Variants in ACSM4 observed in about 807,000 individuals in gnomAD.
ACSM4 encodes acyl-coenzyme A synthetase ACSM4, mitochondrial.
ACSM4 carries 66 observed loss-of-function variants against 73.0 expected under a neutral mutation model. The ratio of observed to expected loss-of-function variants is 0.90; its 90% CI spans 0.74 to 1.11. ACSM4 has a LOEUF of 1.11. ACSM4 is among the 50% of genes least tolerant of loss of function. The pLI is 0.00. For synonymous variants in ACSM4, 222 were observed against 254.0 expected (o/e 0.87, Z 1.20); for missense variants, 645 against 714.4 (o/e 0.90, Z 1.11).
At chr12:7,320,551 C>G (rs1946453384) in intron 5 of ACSM4, among the ~76,000 whole-genome samples, 174 bp from the exon 6 acceptor site, 1 of 152,104 alleles carries the variant, frequency 6.6e-6, no homozygotes, top group Admixed American at 6.5e-5. Flanking sequence ...ATTGGAAATT[C>G]CCAACAGATA....
Position 7,306,753 on chromosome 12 carries a change from A to G in ACSM4, c.412+10A>G. The stretch of plus-strand genomic sequence containing the variant: ...GCTTGCATACGAACAGGTCAGTGCC[A>G]ATATTAGCATTCTAAATCACACAAA... On this transcript the variant is annotated intron_variant, in intron 2 of 12. Transcript: ENST00000399422. 6.2e-7 allele frequency: 1 copy of G among 1,600,482 alleles called. No homozygotes were observed. The highest frequency in any genetic ancestry group is 8.5e-7 in the Non-Finnish European group (1 of 1,172,744).
rs1447498493 is a variant in ACSM4 at position 7,322,410 on chromosome 12, C to G, written c.1002-8C>G. 1 of 1,613,486 alleles carries G rather than the reference C, an allele frequency of 6.2e-7. No homozygotes were observed. The highest frequency in any genetic ancestry group is 8.5e-7 in the Non-Finnish European group (1 of 1,179,770). ...CTTGAAAAGACCCATGCAACTCTGT[C>G]TCTCCAGATATAAATTCAAGAGTCT... is the stretch of plus-strand genomic sequence containing the variant. On this transcript the variant is annotated splice_polypyrimidine_tract_variant and splice_region_variant and intron_variant, in intron 6 of 12. Transcript: ENST00000399422.
At chr12:7,313,458 G>A (rs1946402066) in intron 3 of ACSM4, among the ~76,000 whole-genome samples, 2 of 152,058 alleles carry the variant, frequency 1.3e-5, no homozygotes, top group Admixed American at 6.6e-5. Flanking sequence ...CAATAATGTG[G>A]GCTAATTTTA....
In ACSM4 at chr12:7,320,706, G is replaced by A; in HGVS notation, c.922-19G>A. 1 of 1,600,942 alleles carries A rather than the reference G, an allele frequency of 6.2e-7. No homozygotes were observed. The highest frequency in any genetic ancestry group is 8.6e-7 in the Non-Finnish European group (1 of 1,168,424). On this transcript the variant is annotated intron_variant, in intron 5 of 12. Coordinates refer to ENST00000399422, the MANE Select transcript of ACSM4 (RefSeq NM_001080454.2). ...TTGAATGACCACTTCTGACATCTGT[G>A]TCTTTCTCCATCATCCAGACACTTA...
chr12:7,327,866 C>A (rs1248796357), intron 12 of ACSM4, among the ~76,000 whole-genome samples: 1 of 152,062 alleles, frequency 6.6e-6, no homozygotes, highest in East Asian at 1.9e-4. Flanking sequence ...CAAGTCAGGG[C>A]AGAAGGGAAA....
At position 7,318,080 on chromosome 12, in the gene ACSM4, C is replaced by T. The variant is rs760784167; in HGVS notation, c.819C>T (p.Gly273=). ...TCATATGGAATATGTCTGACACGGG[C>T]TGGGTCAAGGCCGCCATTGGCAGTG... ...SDIIWNMSDT[G]WVKAAIGSVF... Residue 273 remains glycine (G), a synonymous_variant, in exon 5 of 13, where the codon GGC becomes GGT. Transcript: ENST00000399422. 6.2e-7 allele frequency: 1 copy of T among 1,613,786 alleles called. No individual in the cohort carries two copies. The highest frequency in any genetic ancestry group is 8.5e-7 in the Non-Finnish European group (1 of 1,179,838).
In ACSM4 at chr12:7,314,564, G is replaced by A. The variant is rs752488732; in HGVS notation, c.621-2573G>A. ...TAGGTAGGTAGATAGGTAGATAGGT[G>A]GATGGATGAATAGATAGATGAAAGA... On this transcript the variant is annotated intron_variant, in intron 3 of 12. Transcript: ENST00000399422. 6.6e-5 allele frequency among the ~76,000 whole-genome samples: 10 copies of A among 152,140 alleles called. No individual in the cohort carries two copies. The East Asian group carries it at 1.9e-3, about 29-fold the overall frequency.
Position 7,304,238 on chromosome 12 carries a change from C to T in ACSM4, c.-94C>T. 1 of 1,324,792 alleles carries T rather than the reference C, an allele frequency of 7.5e-7. No individual in the cohort carries two copies. Among genetic ancestry groups the T allele is most frequent in the Non-Finnish European group, 1.1e-6 (1 of 938,408 alleles). The allele number at this position is 1,324,792 out of a possible 1,614,324, so 82.1% of individuals were successfully genotyped here. A position where few individuals can be genotyped will look rare whatever the true frequency, so the allele number is the denominator to read the frequency against. The stretch of plus-strand genomic sequence containing the variant: ...ACAAATCCACCTCCCAGTCTCACCA[C>T]AGAGCATCAAGAAACTGATACTCTC... On this transcript the variant is annotated 5_prime_UTR_variant, in exon 1 of 13. An upstream open reading frame in the 5' UTR gains an earlier in-frame stop. Transcript: ENST00000399422.
At chr12:7,311,425 T>C (rs1302034267) in intron 3 of ACSM4, among the ~76,000 whole-genome samples, 2 of 152,118 alleles carry the variant, frequency 1.3e-5, no homozygotes, top group Non-Finnish European at 2.9e-5. Flanking sequence ...GCTCTTCTTA[T>C]TCCTTTTCAC....
At chr12:7,321,723 A>G (rs1591845627) in intron 6 of ACSM4, among the ~76,000 whole-genome samples, 1 of 152,226 alleles carries the variant, frequency 6.6e-6, no homozygotes. Flanking sequence ...CAGTAAGGCT[A>G]GTGGTTAAAA....
chr12:7,318,475 A>G, intron 5 of ACSM4: 1 of 305,642 alleles, frequency 3.3e-6, no homozygotes, highest in Non-Finnish European at 6.0e-6. Flanking sequence ...ATAACAGATT[A>G]GGAGTCTGAA....
At chr12:7,306,288 T>G (rs1245413683) in intron 1 of ACSM4, among the ~76,000 whole-genome samples, 2 of 152,126 alleles carry the variant, frequency 1.3e-5, no homozygotes, top group Non-Finnish European at 2.9e-5. Context: ...AGAGAGAAGG[T>G]CTGATTGGCC....
In ACSM4 at chr12:7,317,121, G is replaced by C; in HGVS notation, c.621-16G>C. ...CTGCCATCTTCCACCGCCATCTTGG[G>C]GTCCATATTTTGCAGATTCGCCTCT... On this transcript the variant is annotated splice_polypyrimidine_tract_variant and intron_variant, in intron 3 of 12. Coordinates refer to ENST00000399422, the MANE Select transcript of ACSM4 (RefSeq NM_001080454.2). 1 of 1,604,632 alleles carries C rather than the reference G, an allele frequency of 6.2e-7. No individual in the cohort carries two copies. Among genetic ancestry groups the C allele is most frequent in the Non-Finnish European group, 8.5e-7 (1 of 1,175,966 alleles).
intron 1 of ACSM4, among the ~76,000 whole-genome samples, chr12:7,306,332 G>A (rs891811058): frequency 6.6e-6 from 1 of 152,206 alleles, no homozygotes; most frequent in South Asian, 2.1e-4. Context: ...ACTGCTCGGG[G>A]AAGGGTAAAA....
chr12:7,309,749 G>A (rs1312517575), intron 2 of ACSM4, among the ~76,000 whole-genome samples: 3 of 152,148 alleles, frequency 2.0e-5, no homozygotes, highest in African/African-American at 7.2e-5. Context: ...CCAATGGATT[G>A]TTGAAAAACT....
intron 12 of ACSM4, among the ~76,000 whole-genome samples, chr12:7,327,460 T>G (rs1050402934): frequency 1.1e-4 from 16 of 152,166 alleles, no homozygotes; most frequent in Non-Finnish European, 1.9e-4. Flanking sequence ...CCCTATAAAT[T>G]CAAAGTACAT....
intron 2 of ACSM4, among the ~76,000 whole-genome samples, chr12:7,307,267 CAA>C (rs1228827140): frequency 6.6e-6 from 1 of 152,090 alleles, no homozygotes; most frequent in African/African-American, 2.4e-5. Context: ...AACAAACAAA[CAA>C]ACAAAAGCTT....
chr12:7,312,625 T>C (rs1946397693), intron 3 of ACSM4, among the ~76,000 whole-genome samples: 1 of 152,234 alleles, frequency 6.6e-6, no homozygotes, highest in Admixed American at 6.5e-5. Context: ...TTTTATAAGC[T>C]GTGTAACCTT....
intron 3 of ACSM4, among the ~76,000 whole-genome samples, chr12:7,314,338 A>G (rs551909631): frequency 1.3e-5 from 2 of 152,342 alleles, no homozygotes; most frequent in African/African-American, 4.8e-5. Context: ...CAGGGACAAG[A>G]GGCAAAGATA....
Sources: gnomAD v4.1 joint callset for allele counts (sites outside exome capture counted in the v4.1 genomes callset) on GRCh38, gnomAD v4.1.1 for gene constraint, MANE v1.5 for transcripts, NCBI Gene and HGNC (gene_info 2026-07-23, HGNC 2026-07-21) for gene names.